PTPRK: variants seen among roughly 807,000 people sequenced by gnomAD.
PTPRK encodes the protein protein tyrosine phosphatase receptor type K, also known as receptor-type tyrosine-protein phosphatase kappa.
PTPRK carries 75 observed loss-of-function variants against 178.0 expected under a neutral mutation model. The observed-to-expected ratio is 0.42, with a 90% CI of 0.35 to 0.51. The LOEUF (loss-of-function observed/expected upper bound fraction) is 0.51, where lower values mean the gene tolerates loss of function less well. PTPRK is among the 20% of genes least tolerant of loss of function. The pLI, the probability that PTPRK is intolerant of heterozygous loss-of-function variation, is 0.02. For synonymous variants in PTPRK, 637 were observed against 620.6 expected (o/e 1.03, Z -0.39); for missense variants, 1,441 against 1,797.8 (o/e 0.80, Z 3.59).
At chr6:128,443,289 G>A (rs1178718754) in intron 1 of PTPRK, among the ~76,000 whole-genome samples, 4 of 152,052 alleles carry the variant, frequency 2.6e-5, no homozygotes, top group Non-Finnish European at 4.4e-5. Context: ...TATCTGCCAG[G>A]TACCTGGAGG....
At chr6:128,106,158 G>A (rs940729015) in intron 7 of PTPRK, among the ~76,000 whole-genome samples, 1 of 152,042 alleles carries the variant, frequency 6.6e-6, no homozygotes. Context: ...AATAAGATGC[G>A]ATAATAGAAA....
intron 13 of PTPRK, among the ~76,000 whole-genome samples, chr6:128,050,684 T>A (rs1778850629): frequency 6.6e-6 from 1 of 152,218 alleles, no homozygotes; most frequent in Non-Finnish European, 1.5e-5. Flanking sequence ...GGAAACAAAC[T>A]ATTACACTAA....
intron 7 of PTPRK, among the ~76,000 whole-genome samples, chr6:128,153,042 C>T (rs1236270698): frequency 1.3e-5 from 2 of 151,878 alleles, no homozygotes; most frequent in African/African-American, 2.4e-5. Flanking sequence ...CACCTCTCTA[C>T]AACTGAGAAC....
At chr6:128,491,708 C>A (rs1853796773) in intron 1 of PTPRK, 1 of 489,844 alleles carries the variant, frequency 2.0e-6, no homozygotes, top group African/African-American at 1.9e-5. Context: ...TTACATTAAT[C>A]TATCATTTTT....
chr6:128,513,302 TG>T (rs1409155577), intron 1 of PTPRK, among the ~76,000 whole-genome samples: 2 of 151,826 alleles, frequency 1.3e-5, no homozygotes, highest in African/African-American at 4.8e-5. Flanking sequence ...CTGGGCAACA[TG>T]GTAAAACCCC....
chr6:128,041,744 G>A (rs1777199139), intron 13 of PTPRK, among the ~76,000 whole-genome samples: 1 of 151,410 alleles, frequency 6.6e-6, no homozygotes, highest in African/African-American at 2.4e-5. Context: ...TATTATATAT[G>A]TATATATATG....
At chr6:128,399,304 G>C (rs1840725868) in intron 1 of PTPRK, among the ~76,000 whole-genome samples, 1 of 152,194 alleles carries the variant, frequency 6.6e-6, no homozygotes, top group Non-Finnish European at 1.5e-5. Context: ...AGGCAAAGCA[G>C]GAGACATCAG....
intron 3 of PTPRK, among the ~76,000 whole-genome samples, chr6:128,273,650 G>T (rs561585029): frequency 2.6e-5 from 4 of 152,182 alleles, no homozygotes; most frequent in East Asian, 3.8e-4. Context: ...ACGAAAACGT[G>T]TAAGTGTCCT....
chr6:128,412,223 T>C (rs1306117864), intron 1 of PTPRK, among the ~76,000 whole-genome samples: 1 of 152,198 alleles, frequency 6.6e-6, no homozygotes, highest in Non-Finnish European at 1.5e-5. Flanking sequence ...CAGCAGCCAT[T>C]GATGGCAGAG....
chr6:128,035,119 C>T (rs1775988865), intron 13 of PTPRK, among the ~76,000 whole-genome samples: 1 of 152,134 alleles, frequency 6.6e-6, no homozygotes, highest in South Asian at 2.1e-4. Flanking sequence ...AGCCTGGCAG[C>T]CCTTTGAGAG....
chr6:128,493,321 G>A (rs1196460843), intron 1 of PTPRK, among the ~76,000 whole-genome samples: 1 of 152,120 alleles, frequency 6.6e-6, no homozygotes, highest in East Asian at 1.9e-4. Flanking sequence ...CCAGCACTTT[G>A]GGAGGCCAAG....
At chr6:128,320,765 C>G (rs1828676736) in intron 3 of PTPRK, among the ~76,000 whole-genome samples, 1 of 152,108 alleles carries the variant, frequency 6.6e-6, no homozygotes, top group Non-Finnish European at 1.5e-5. Flanking sequence ...GATCTTGCAA[C>G]AAGTGCTCTA....
At chr6:128,401,390 T>A (rs1208895128) in intron 1 of PTPRK, among the ~76,000 whole-genome samples, 3 of 152,186 alleles carry the variant, frequency 2.0e-5, no homozygotes, top group Non-Finnish European at 2.9e-5. Context: ...GATTCTTGAG[T>A]GCTTATTTAA....
intron 3 of PTPRK, among the ~76,000 whole-genome samples, chr6:128,320,039 A>G (rs1283499478): frequency 6.6e-6 from 1 of 152,192 alleles, no homozygotes; most frequent in Non-Finnish European, 1.5e-5. Flanking sequence ...ACAATGAGAC[A>G]TTTACCCATA....
chr6:128,513,064 C>A (rs1177063983), intron 1 of PTPRK, among the ~76,000 whole-genome samples: 1 of 152,062 alleles, frequency 6.6e-6, no homozygotes, highest in Non-Finnish European at 1.5e-5. Flanking sequence ...ACTAGTCTTA[C>A]TTTTAGTCTC....
chr6:128,227,221 T>C (rs1811508886), intron 5 of PTPRK, among the ~76,000 whole-genome samples: 1 of 152,128 alleles, frequency 6.6e-6, no homozygotes, highest in South Asian at 2.1e-4. Context: ...AACGGCACTG[T>C]AGAAAGTGGA....
Position 128,089,791 on chromosome 6 carries a change from T to C in PTPRK, c.1364A>G (p.Asn455Ser). 6.2e-7 allele frequency: 1 copy of C among 1,613,936 alleles called. No individual in the cohort carries two copies. Among genetic ancestry groups the C allele is most frequent in the Non-Finnish European group, 8.5e-7 (1 of 1,179,792 alleles). ...GACATTTGTATAAGGTGGCAGATGGTTCACAACATGCTGAGGGGCTTTGGG... is the reference window on the plus strand; with the variant it reads ...GACATTTGTATAAGGTGGCAGATGGCTCACAACATGCTGAGGGGCTTTGGG... ...MDPKAPQHVVNHLPPYTNVSL... is the reference protein window; with the variant it reads ...MDPKAPQHVVSHLPPYTNVSL... Residue 455 changes from asparagine to serine, a missense_variant, in exon 8 of 30, where the codon AAC becomes AGC. Physicochemically the swap from Asn to Ser is conservative, Grantham distance 46 (BLOSUM62 1). This residue lies in a region of PTPRK where 945 missense variants were observed against 1,080.6 expected (regional missense o/e 0.87). Coordinates refer to ENST00000368226, the MANE Select transcript of PTPRK (RefSeq NM_002844.4).
At chr6:128,099,394 C>G (rs1042935414) in intron 7 of PTPRK, among the ~76,000 whole-genome samples, 1 of 151,790 alleles carries the variant, frequency 6.6e-6, no homozygotes, top group African/African-American at 2.4e-5. Context: ...GAGACTATCT[C>G]GTGACATGGA....
At chr6:128,464,553 T>C (rs1849494108) in intron 1 of PTPRK, among the ~76,000 whole-genome samples, 1 of 147,480 alleles carries the variant, frequency 6.8e-6, no homozygotes, top group Non-Finnish European at 1.5e-5. Flanking sequence ...TTTAACATGT[T>C]ATTATATATT....
Sources: allele counts gnomAD v4.1 joint callset (sites outside exome capture counted in the v4.1 genomes callset), GRCh38; gene constraint gnomAD v4.1.1; regional missense constraint gnomAD v4.1.1; transcripts MANE v1.5; gene names NCBI Gene and HGNC (gene_info 2026-07-23, HGNC 2026-07-21).